EYA4: variants seen among roughly 807,000 people sequenced by gnomAD.
The protein encoded by EYA4 is EYA transcriptional coactivator and phosphatase 4, also known as protein phosphatase EYA4.
EYA4 carries 31 observed loss-of-function variants against 87.9 expected under a neutral mutation model. The ratio of observed to expected loss-of-function variants is 0.35; its 90% CI spans 0.27 to 0.48. The LOEUF is 0.48. Among genes scored for constraint, EYA4 ranks in the 20% least tolerant of loss-of-function variants. The pLI is 0.99. For synonymous variants in EYA4, 263 were observed against 270.6 expected (o/e 0.97, Z 0.28); for missense variants, 678 against 761.4 (o/e 0.89, Z 1.29).
chr6:133,355,543 A>G (rs568456902), intron 2 of EYA4, among the ~76,000 whole-genome samples: 1 of 152,320 alleles, frequency 6.6e-6, no homozygotes, highest in Admixed American at 6.5e-5. Context: ...ACATGGATGG[A>G]GCTAGAGGCC....
At chr6:133,252,991 TCA>T (rs1460842052) in intron 1 of EYA4, among the ~76,000 whole-genome samples, 35 of 140,028 alleles carry the variant, frequency 2.5e-4, no homozygotes, top group Middle Eastern at 3.7e-3. Context: ...ACACACACAC[TCA>T]CTCTCTCTCT....
chr6:133,485,267 C>T (rs553164722), intron 13 of EYA4, among the ~76,000 whole-genome samples: 1 of 152,010 alleles, frequency 6.6e-6, no homozygotes, highest in Non-Finnish European at 1.5e-5. Context: ...AAAATAGAGA[C>T]TCTCTATGCA....
At chr6:133,329,163 C>T (rs1781727092) in intron 2 of EYA4, among the ~76,000 whole-genome samples, 1 of 152,006 alleles carries the variant, frequency 6.6e-6, no homozygotes, top group Non-Finnish European at 1.5e-5. Flanking sequence ...TTTGATGATT[C>T]TTAGGTCTGT....
chr6:133,371,330 G>A (rs973083508), intron 2 of EYA4, among the ~76,000 whole-genome samples: 6 of 152,090 alleles, frequency 3.9e-5, no homozygotes, highest in Non-Finnish European at 5.9e-5. Flanking sequence ...GGTTTACGGG[G>A]TCTACTGAGC....
intron 13 of EYA4, among the ~76,000 whole-genome samples, chr6:133,498,864 A>G (rs952008286): frequency 1.3e-5 from 2 of 152,180 alleles, no homozygotes; most frequent in African/African-American, 4.8e-5. Context: ...CGTGTTGAGT[A>G]TATGTTTGAG....
chr6:133,517,783 G>A (rs976447648), intron 17 of EYA4, among the ~76,000 whole-genome samples: 72 of 152,196 alleles, frequency 4.7e-4, no homozygotes, highest in African/African-American at 1.6e-3. Flanking sequence ...TGGCAGTCAC[G>A]GGTTTGGACT....
intron 2 of EYA4, among the ~76,000 whole-genome samples, chr6:133,306,616 T>TA (rs1327841877): frequency 1.3e-5 from 2 of 152,230 alleles, no homozygotes; most frequent in African/African-American, 4.8e-5. Flanking sequence ...ATTTGTATCT[T>TA]TCAGTTGTTT....
intron 2 of EYA4, among the ~76,000 whole-genome samples, chr6:133,285,734 T>C (rs1351570840): frequency 6.6e-6 from 1 of 152,182 alleles, no homozygotes; most frequent in African/African-American, 2.4e-5. Context: ...AAAGTAGCAT[T>C]GGAGGTAGTA....
At chr6:133,486,728 G>C (rs1009195299) in intron 13 of EYA4, among the ~76,000 whole-genome samples, 2 of 152,160 alleles carry the variant, frequency 1.3e-5, no homozygotes, top group African/African-American at 2.4e-5. Context: ...AGCAGTGGGT[G>C]CTGATCTTCC....
At chr6:133,458,023 A>G (rs2025705) in intron 6 of EYA4, among the ~76,000 whole-genome samples, 32,872 of 152,060 alleles carry the variant, frequency 0.22, 3,707 homozygotes, top group East Asian at 0.32. Context: ...TGGTATAAAC[A>G]AATCTAAAAC....
chr6:133,495,411 GAAAT>G (rs1470142003), intron 13 of EYA4, among the ~76,000 whole-genome samples: 1 of 144,978 alleles, frequency 6.9e-6, no homozygotes, highest in Admixed American at 6.9e-5. Flanking sequence ...TAAATATAAA[GAAAT>G]ATATTCATTT....
At chr6:133,260,529 C>T (rs1009587907) in intron 1 of EYA4, among the ~76,000 whole-genome samples, 2 of 152,170 alleles carry the variant, frequency 1.3e-5, no homozygotes, top group African/African-American at 4.8e-5. Flanking sequence ...TGAGCCACCG[C>T]ACCTCGCCTG....
intron 3 of EYA4, among the ~76,000 whole-genome samples, chr6:133,394,578 A>G (rs1787628819): frequency 6.6e-6 from 1 of 152,142 alleles, no homozygotes; most frequent in African/African-American, 2.4e-5. Context: ...GAGAAAAAAA[A>G]AAGCCTATGA....
At chr6:133,255,697 T>C (rs1775283955) in intron 1 of EYA4, among the ~76,000 whole-genome samples, 1 of 152,130 alleles carries the variant, frequency 6.6e-6, no homozygotes, top group Admixed American at 6.6e-5. Flanking sequence ...ATCATTGATT[T>C]CCTTAAAACT....
chr6:133,260,428 G>C (rs1775706268), intron 1 of EYA4, among the ~76,000 whole-genome samples: 1 of 152,040 alleles, frequency 6.6e-6, no homozygotes, highest in Non-Finnish European at 1.5e-5. Context: ...AGTAGAAAAG[G>C]GGTTTCGCCA....
intron 3 of EYA4, among the ~76,000 whole-genome samples, chr6:133,419,383 C>G (rs1308844862): frequency 1.3e-5 from 2 of 152,148 alleles, no homozygotes; most frequent in Non-Finnish European, 2.9e-5. Flanking sequence ...ATGGTGTTAT[C>G]TCTTGATACA....
At chr6:133,302,554 G>GT (rs1237954599) in intron 2 of EYA4, among the ~76,000 whole-genome samples, 3 of 152,058 alleles carry the variant, frequency 2.0e-5, no homozygotes, top group Admixed American at 6.5e-5. Flanking sequence ...CGTTATACTT[G>GT]TGTTTTTAGC....
Position 133,492,137 on chromosome 6 carries a change from C to T in EYA4, c.1191+9022C>T, listed in dbSNP as rs543853342. Among the ~76,000 whole-genome samples the T allele has an allele frequency of 2.6e-5, 4 of 152,058 alleles. No individual in the cohort carries two copies. In the South Asian group the frequency reaches 6.2e-4, roughly 24 times the overall value. On this transcript the variant is annotated intron_variant, in intron 13 of 19. Coordinates refer to ENST00000355286, the MANE Select transcript of EYA4 (RefSeq NM_004100.5). Reference sequence around the variant, plus strand: ...GCTATTGTTACTCTGATACCAAAACCAGAAGAAGACACATTAAAGAAAGAA... The same window carrying T: ...GCTATTGTTACTCTGATACCAAAACTAGAAGAAGACACATTAAAGAAAGAA...
chr6:133,379,747 G>A (rs1786017839), intron 2 of EYA4, among the ~76,000 whole-genome samples: 1 of 152,084 alleles, frequency 6.6e-6, no homozygotes, highest in Admixed American at 6.6e-5. Flanking sequence ...CAGGGCTGGG[G>A]ATATAATGAT....
Sources: gnomAD v4.1 joint callset for allele counts (sites outside exome capture counted in the v4.1 genomes callset) on GRCh38, gnomAD v4.1.1 for gene constraint, MANE v1.5 for transcripts, NCBI Gene and HGNC (gene_info 2026-07-23, HGNC 2026-07-21) for gene names.